Variants in DARS1 observed in about 807,000 individuals in gnomAD.
DARS1 encodes aspartyl-tRNA synthetase 1.
In DARS1, 51 loss-of-function variants were observed where a neutral mutation model predicts 68.8. That is an observed-to-expected ratio of 0.74 (90% CI 0.59 to 0.94). The LOEUF is 0.94. Among genes scored for constraint, DARS1 ranks in the 40% least tolerant of loss-of-function variants. The pLI is 0.00. For missense variants in DARS1, 607 were observed against 597.3 expected (o/e 1.02, Z -0.17); for synonymous variants, 203 against 190.4 (o/e 1.07, Z -0.55).
At chr2:135,934,027 C>T in intron 5 of DARS1, 37 bp from the exon 6 acceptor site, 1 of 1,594,306 alleles carries the variant, frequency 6.3e-7, no homozygotes, top group Non-Finnish European at 8.6e-7. Context: ...GTAGAAAGCA[C>T]ACAAAATCTG....
intron 5 of DARS1, among the ~76,000 whole-genome samples, chr2:135,937,064 T>A (rs1045301722): frequency 3.3e-5 from 5 of 152,106 alleles, no homozygotes; most frequent in Non-Finnish European, 7.4e-5. Context: ...ATTTCAATAG[T>A]ACTAAATATG....
rs1341245193 is a variant in DARS1 at position 135,961,616 on chromosome 2, G to A, written c.218-118C>T. 1.3e-5 allele frequency: 9 copies of A among 670,466 alleles called. 1 individual carries two copies. Among genetic ancestry groups the A allele is most frequent in the African/African-American group, 1.1e-4 (6 of 55,872 alleles). 41.5% of individuals were successfully genotyped at this position (670,466 alleles called of 1,614,324 possible). On this transcript the variant is annotated intron_variant, in intron 3 of 15. Transcript: ENST00000264161. Reference sequence around the variant, plus strand: ...AAAATTTACTATACTCATCAGGCACGCATGCATGTGTATACTATCCATTTG... The same window carrying A: ...AAAATTTACTATACTCATCAGGCACACATGCATGTGTATACTATCCATTTG...
At position 135,911,511 on chromosome 2, in the gene DARS1, C is replaced by T. The variant is rs890603724; in HGVS notation, c.1231-18G>A. Reference sequence around the variant, plus strand: ...GACTGTTTCTGCAAGAGAAAAAACACCAGTCCTCAAGTGACTACCATCCTA... The same window carrying T: ...GACTGTTTCTGCAAGAGAAAAAACATCAGTCCTCAAGTGACTACCATCCTA... On this transcript the variant is annotated intron_variant, in intron 13 of 15. Transcript: ENST00000264161. 3 of 858,160 alleles carry T rather than the reference C, an allele frequency of 3.5e-6. No homozygotes were observed. Among genetic ancestry groups the T allele is most frequent in the Non-Finnish European group, 6.0e-6 (3 of 496,756 alleles). 53.2% of individuals were successfully genotyped at this position (858,160 alleles called of 1,614,324 possible). A position where few individuals can be genotyped will look rare whatever the true frequency, so the allele number is the denominator to read the frequency against.
intron 4 of DARS1, among the ~76,000 whole-genome samples, chr2:135,946,884 T>A (rs1369679506): frequency 6.6e-6 from 1 of 152,072 alleles, no homozygotes; most frequent in Non-Finnish European, 1.5e-5. Context: ...TAGGTTCAAG[T>A]GACCCTCCCA....
At chr2:135,973,439 T>C (rs1682427622) in intron 3 of DARS1, among the ~76,000 whole-genome samples, 1 of 151,068 alleles carries the variant, frequency 6.6e-6, no homozygotes, top group Admixed American at 6.6e-5. Context: ...TAATAGGGGT[T>C]GAAGGTGGGG....
intron 5 of DARS1, among the ~76,000 whole-genome samples, chr2:135,939,539 T>C (rs1215304528): frequency 6.6e-6 from 1 of 152,154 alleles, no homozygotes; most frequent in Non-Finnish European, 1.5e-5. Context: ...TAGCACTAAA[T>C]GCCCACAAGA....
chr2:135,923,878 G>A lies in DARS1; in HGVS notation c.676+509C>T, dbSNP rs1053681748. ...ACTAAACATACAAAATTGGCTCGGC[G>A]TGGTGGTGCATGCTTGTAATCCCAG... On this transcript the variant is annotated intron_variant, in intron 8 of 15. Coordinates refer to ENST00000264161, the MANE Select transcript of DARS1 (RefSeq NM_001349.4). Among the ~76,000 whole-genome samples, 100 of 152,190 alleles carry A rather than the reference G, an allele frequency of 6.6e-4. 1 individual carries two copies. The highest frequency in any genetic ancestry group is 4.3e-3 in the Admixed American group (66 of 15,282).
At chr2:135,961,608 T>C (rs1682102889) in intron 3 of DARS1, 110 bp from the exon 4 acceptor site, 1 of 698,824 alleles carries the variant, frequency 1.4e-6, no homozygotes, top group African/African-American at 1.8e-5. Flanking sequence ...ACTATACTCA[T>C]CAGGCACGCA....
chr2:135,979,396 GTAAAA>G, intron 2 of DARS1, 30 bp from the exon 3 acceptor site: 1 of 886,462 alleles, frequency 1.1e-6, no homozygotes, highest in Non-Finnish European at 1.9e-6. Flanking sequence ...TTTTTATATA[GTAAAA>G]TAATTTTTAA....
chr2:135,928,503 C>A (rs1681273266), intron 7 of DARS1, among the ~76,000 whole-genome samples: 1 of 151,694 alleles, frequency 6.6e-6, no homozygotes. Flanking sequence ...TGCCACCAAG[C>A]CTGGCTAATT....
intron 4 of DARS1, among the ~76,000 whole-genome samples, chr2:135,953,698 C>T (rs1681898620): frequency 1.3e-5 from 2 of 152,072 alleles, no homozygotes; most frequent in South Asian, 2.1e-4. Flanking sequence ...CTCCCTGTCC[C>T]TCCCCCTTAT....
chr2:135,916,852 G>T (rs902905391), intron 10 of DARS1, among the ~76,000 whole-genome samples: 3 of 152,132 alleles, frequency 2.0e-5, no homozygotes, highest in Non-Finnish European at 4.4e-5. Flanking sequence ...AATGTTTACT[G>T]CACTGAGCTG....
chr2:135,912,644 A>G lies in DARS1; in HGVS notation c.1150-78T>C, dbSNP rs544295531. 8.6e-4 allele frequency: 530 copies of G among 618,078 alleles called. 1 individual carries two copies. Among genetic ancestry groups the G allele is most frequent in the Non-Finnish European group, 1.3e-3 (446 of 355,952 alleles). The allele number at this position is 618,078 out of a possible 1,614,324, so 38.3% of individuals were successfully genotyped here. ...AACATTTTGGTAATTAACTTTATAC[A>G]AAAATTTTGGTTCTTCGTAATTACT... On this transcript the variant is annotated intron_variant, in intron 12 of 15. Coordinates refer to ENST00000264161, the MANE Select transcript of DARS1 (RefSeq NM_001349.4).
chr2:135,940,709 C>T (rs953201337), intron 5 of DARS1, among the ~76,000 whole-genome samples: 1 of 152,048 alleles, frequency 6.6e-6, no homozygotes, highest in Non-Finnish European at 1.5e-5. Flanking sequence ...AGGAAAAGAG[C>T]AAGTCAAATT....
At chr2:135,939,707 A>G (rs1273757368) in intron 5 of DARS1, among the ~76,000 whole-genome samples, 1 of 152,342 alleles carries the variant, frequency 6.6e-6, no homozygotes, top group East Asian at 1.9e-4. Context: ...CAAAAAATCA[A>G]TGAATCCAGG....
Position 135,985,444 on chromosome 2 carries a change from T to A in DARS1, c.25A>T (p.Lys9Ter). 1 of 1,613,920 alleles carries A rather than the reference T, an allele frequency of 6.2e-7. No individual in the cohort carries two copies. The highest frequency in any genetic ancestry group is 8.5e-7 in the Non-Finnish European group (1 of 1,179,962). The change falls in exon 1 of 16, where the codon AAG becomes TAG. Residue 9 changes from lysine to a stop codon, truncating the protein, a stop_gained. Transcript: ENST00000264161. LOFTEE classifies it high-confidence loss of function. ...ATCTCCCGCGGCTTCTCCTGACTCT[T>A]GCGGCTGGCGCTGGCGCTGGGCATC... MPSASASR[K>*]SQEKPREIMD...
intron 1 of DARS1, among the ~76,000 whole-genome samples, chr2:135,984,940 C>T (rs193155844): frequency 3.5e-4 from 54 of 152,312 alleles, no homozygotes; most frequent in African/African-American, 1.3e-3. Context: ...AAAGCTGTCA[C>T]ATGGGAAATG....
intron 1 of DARS1, among the ~76,000 whole-genome samples, chr2:135,984,268 T>C (rs887903136): frequency 3.3e-5 from 5 of 152,216 alleles, no homozygotes; most frequent in African/African-American, 1.2e-4. Flanking sequence ...CTATACTATC[T>C]GTAAGGGTAC....
At chr2:135,930,754 T>C (rs1681324299) in intron 7 of DARS1, among the ~76,000 whole-genome samples, 1 of 152,170 alleles carries the variant, frequency 6.6e-6, no homozygotes, top group African/African-American at 2.4e-5. Flanking sequence ...AAGACTAACA[T>C]TTACTCCTAG....
Sources: gnomAD v4.1 joint callset for allele counts (sites outside exome capture counted in the v4.1 genomes callset) on GRCh38, gnomAD v4.1.1 for gene constraint, MANE v1.5 for transcripts, NCBI Gene and HGNC (gene_info 2026-07-23, HGNC 2026-07-21) for gene names.